ADAMTS3: variants seen among roughly 807,000 people sequenced by gnomAD.
The protein encoded by ADAMTS3 is A disintegrin and metalloproteinase with thrombospondin motifs 3.
Under a neutral mutation model 129.0 loss-of-function variants are expected in ADAMTS3, and 73 were observed. The ratio of observed to expected loss-of-function variants is 0.57; its 90% confidence interval spans 0.47 to 0.69. ADAMTS3 has a LOEUF of 0.69. Among genes scored for constraint, ADAMTS3 ranks in the 30% least tolerant of loss-of-function variants. The pLI, the probability that ADAMTS3 is intolerant of heterozygous loss-of-function variation, is 0.00. For missense variants in ADAMTS3, 1,457 were observed against 1,514.5 expected (o/e 0.96, Z 0.63); for synonymous variants, 477 against 510.8 (o/e 0.93, Z 0.89).
chr4:72,545,080 CT>C (rs201733065), intron 3 of ADAMTS3, among the ~76,000 whole-genome samples: 2 of 151,698 alleles, frequency 1.3e-5, no homozygotes, highest in East Asian at 1.9e-4. Flanking sequence ...TTTGAAAACT[CT>C]TTTTTTTGTT....
intron 3 of ADAMTS3, among the ~76,000 whole-genome samples, chr4:72,530,061 G>A (rs560407954): frequency 0.62 from 1,280 of 2,066 alleles, 576 homozygotes; most frequent in East Asian, 0.75. Flanking sequence ...TATATAATAT[G>A]TTATATATAA....
intron 4 of ADAMTS3, among the ~76,000 whole-genome samples, chr4:72,340,339 A>G (rs200085494): frequency 3.0e-3 from 312 of 103,992 alleles, no homozygotes; most frequent in Admixed American, 4.8e-3. Context: ...GTGTGTGTGT[A>G]TGTGTATGTG....
intron 3 of ADAMTS3, among the ~76,000 whole-genome samples, chr4:72,415,359 C>A (rs908290369): frequency 6.6e-6 from 1 of 151,848 alleles, no homozygotes; most frequent in South Asian, 2.1e-4. Flanking sequence ...CCCAAAATAA[C>A]CCATTGTGGA....
At chr4:72,424,874 CT>C (rs1438575174) in intron 3 of ADAMTS3, among the ~76,000 whole-genome samples, 2 of 152,058 alleles carry the variant, frequency 1.3e-5, no homozygotes, top group African/African-American at 4.8e-5. Context: ...TGGATACTAA[CT>C]TTTTATTGGA....
At chr4:72,472,220 T>C (rs929321329) in intron 3 of ADAMTS3, among the ~76,000 whole-genome samples, 1 of 152,126 alleles carries the variant, frequency 6.6e-6, no homozygotes, top group African/African-American at 2.4e-5. Flanking sequence ...ATCGCTTATA[T>C]TTGCTAAGGC....
intron 3 of ADAMTS3, among the ~76,000 whole-genome samples, chr4:72,478,494 C>A (rs1394785203): frequency 2.7e-5 from 4 of 148,258 alleles, no homozygotes; most frequent in Non-Finnish European, 6.0e-5. Flanking sequence ...ATTCAACAAC[C>A]CTTCATGCTA....
intron 3 of ADAMTS3, among the ~76,000 whole-genome samples, chr4:72,495,888 A>G (rs1719862390): frequency 6.6e-6 from 1 of 152,144 alleles, no homozygotes; most frequent in South Asian, 2.1e-4. Context: ...AAATTAACAC[A>G]CTATTTGCTA....
Position 72,453,909 on chromosome 4 carries a change from T to A in ADAMTS3, c.505-38938A>T, listed in dbSNP as rs1157088186. ...TATATTATATTATATGTAAAATATA[T>A]ATATATATATGTATACATAGGGAGA... On this transcript the variant is annotated intron_variant, in intron 3 of 21. Coordinates refer to ENST00000286657, the MANE Select transcript of ADAMTS3 (RefSeq NM_014243.3). Among the ~76,000 whole-genome samples, 501 of 148,752 alleles carry A rather than the reference T, an allele frequency of 3.4e-3. 3 individuals are homozygous for A. Among genetic ancestry groups the A allele is most frequent in the African/African-American group, 0.011 (458 of 40,882 alleles).
intron 3 of ADAMTS3, among the ~76,000 whole-genome samples, chr4:72,432,666 G>C (rs959416878): frequency 6.6e-6 from 1 of 151,902 alleles, no homozygotes; most frequent in African/African-American, 2.4e-5. Context: ...GAAAATGACA[G>C]AACTTTGGAA....
intron 17 of ADAMTS3, among the ~76,000 whole-genome samples, chr4:72,300,838 T>A (rs573159744): frequency 3.5e-4 from 53 of 152,178 alleles, no homozygotes; most frequent in African/African-American, 1.2e-3. Context: ...ACCCACCACA[T>A]GGAAAAGCTG....
chr4:72,312,518 G>A (rs1719270079), intron 12 of ADAMTS3, 52 bp from the exon 13 acceptor site: 33 of 1,577,110 alleles, frequency 2.1e-5, no homozygotes, highest in African/African-American at 2.7e-5. Context: ...TCTAGCAGTT[G>A]AAGCTTGCAG....
chr4:72,520,551 G>A (rs1479753699), intron 3 of ADAMTS3, among the ~76,000 whole-genome samples: 2 of 152,190 alleles, frequency 1.3e-5, no homozygotes, highest in Non-Finnish European at 2.9e-5. Context: ...AATGGCGGGC[G>A]CCCCTCCCCC....
At chr4:72,394,356 T>G (rs538540403) in intron 4 of ADAMTS3, among the ~76,000 whole-genome samples, 3 of 152,190 alleles carry the variant, frequency 2.0e-5, no homozygotes, top group Non-Finnish European at 4.4e-5. Context: ...AGTCCAGTCA[T>G]GTGCTTTCAC....
chr4:72,337,260 G>A lies in ADAMTS3; in HGVS notation c.861+2234C>T, dbSNP rs762392618. On this transcript the variant is annotated intron_variant, in intron 5 of 21. Coordinates refer to ENST00000286657, the MANE Select transcript of ADAMTS3 (RefSeq NM_014243.3). ...TAGAATAATTTGTATTTGAGACAGA[G>A]TCATAGTCTATTATCTAATTTTTTT... Among the ~76,000 whole-genome samples the A allele has an allele frequency of 1.1e-4, 16 of 151,900 alleles. 1 individual carries two copies. The highest frequency in any genetic ancestry group is 2.1e-4 in the Non-Finnish European group (14 of 68,020).
chr4:72,323,106 A>G lies in ADAMTS3; in HGVS notation c.862-9T>C. The G allele has an allele frequency of 1.3e-6, 2 of 1,598,872 alleles. No homozygotes were observed. The highest frequency in any genetic ancestry group is 1.7e-6 in the Non-Finnish European group (2 of 1,167,146). On this transcript the variant is annotated splice_polypyrimidine_tract_variant and intron_variant, in intron 5 of 21. Transcript: ENST00000286657. The stretch of plus-strand genomic sequence containing the variant: ...TGGTAAATTTCATTCACCTAGCAAC[A>G]AAAAAAGATAATTGCTAAAAGAAAG...
intron 3 of ADAMTS3, among the ~76,000 whole-genome samples, chr4:72,431,243 T>C (rs1722691610): frequency 6.6e-6 from 1 of 151,952 alleles, no homozygotes; most frequent in Admixed American, 6.6e-5. Context: ...AACAAATATT[T>C]TTGAAACCCT....
chr4:72,465,767 A>G (rs985854822), intron 3 of ADAMTS3, among the ~76,000 whole-genome samples: 1 of 151,996 alleles, frequency 6.6e-6, no homozygotes, highest in African/African-American at 2.4e-5. Flanking sequence ...CCATGTGTCA[A>G]GGGTGGGGCC....
intron 3 of ADAMTS3, among the ~76,000 whole-genome samples, chr4:72,541,817 T>G (rs945825476): frequency 2.0e-5 from 3 of 152,324 alleles, no homozygotes; most frequent in African/African-American, 7.2e-5. Flanking sequence ...CATGTGGAAC[T>G]GTGAGTCCAT....
intron 3 of ADAMTS3, among the ~76,000 whole-genome samples, chr4:72,532,401 C>G (rs1267727494): frequency 6.6e-6 from 1 of 152,018 alleles, no homozygotes; most frequent in Non-Finnish European, 1.5e-5. Context: ...ATCAATAGAG[C>G]TGGCACAACA....
Sources: allele counts gnomAD v4.1 joint callset (sites outside exome capture counted in the v4.1 genomes callset), GRCh38; gene constraint gnomAD v4.1.1; transcripts MANE v1.5; gene names NCBI Gene and HGNC (gene_info 2026-07-23, HGNC 2026-07-21).